Variants in UBN1 observed in about 807,000 individuals in gnomAD.
The protein encoded by UBN1 is ubinuclein-1.
UBN1 carries 17 observed loss-of-function variants against 108.5 expected under a neutral mutation model. The ratio of observed to expected loss-of-function variants is 0.16; its 90% confidence interval spans 0.11 to 0.24. The LOEUF is 0.24. Ranked by LOEUF, UBN1 falls within the 10% of genes least tolerant of loss-of-function variation. The probability of loss-of-function intolerance (pLI) is 1.00; values close to 1 mark genes in which losing one functional copy is unlikely to be tolerated. For missense variants in UBN1, 1,595 were observed against 1,394.4 expected, an observed-to-expected ratio of 1.14 and a Z score of -2.29; for synonymous variants, 726 against 564.2, an observed-to-expected ratio of 1.29 and a Z score of -4.07.
intron 5 of UBN1, 147 bp from the exon 6 acceptor site, chr16:4,859,718 C>G: frequency 1.5e-6 from 2 of 1,374,954 alleles, no homozygotes; most frequent in East Asian, 2.6e-5. Context: ...GGTTTGTGGT[C>G]CAGGGACTGA....
Position 4,852,888 on chromosome 16 carries a change from A to G in UBN1, c.-30A>G. The G allele has an allele frequency of 6.3e-7, 1 of 1,596,662 alleles. No individual in the cohort carries two copies. The highest frequency in any genetic ancestry group is 8.6e-7 in the Non-Finnish European group (1 of 1,169,046). On this transcript the variant is annotated 5_prime_UTR_variant, in exon 2 of 18. Coordinates refer to ENST00000262376, the MANE Select transcript of UBN1 (RefSeq NM_001079514.3). ...TTTTCAATGTTAACAGAAGCCATGC[A>G]GTGACACCCGCTAAGACTTGTTGGT...
chr16:4,863,616 C>T (rs143390439), intron 7 of UBN1, among the ~76,000 whole-genome samples: 423 of 151,174 alleles, frequency 2.8e-3, no homozygotes, highest in African/African-American at 0.01. Flanking sequence ...CCCTAATTTT[C>T]CCCCCCTTTT....
At chr16:4,879,611 G>C (rs1567968345) in intron 17 of UBN1, among the ~76,000 whole-genome samples, 1 of 152,236 alleles carries the variant, frequency 6.6e-6, no homozygotes, top group African/African-American at 2.4e-5. Context: ...AGCTATTTGC[G>C]CATTTCAGCT....
At position 4,874,933 on chromosome 16, in the gene UBN1, C is replaced by T. The variant is rs747695825; in HGVS notation, c.2523C>T (p.Leu841=). Residue 841 remains leucine (L), a synonymous_variant, in exon 15 of 18, where the codon CTC becomes CTT. Coordinates refer to ENST00000262376, the MANE Select transcript of UBN1 (RefSeq NM_001079514.3). The part of the protein sequence containing the change: ...KASPTQCHRS[L]LQLVKTAAKG... ...CTCCCACACAGTGTCATCGTTCCCT[C>T]CTGCAGTTAGTGAAGACAGCGGCCA... 4.3e-6 allele frequency: 7 copies of T among 1,614,104 alleles called. No homozygotes were observed. The Admixed American group carries it at 1.0e-4, about 23-fold the overall frequency.
At chr16:4,872,375 T>G in intron 12 of UBN1, 1 of 984,918 alleles carries the variant, frequency 1.0e-6, no homozygotes, top group South Asian at 4.7e-5. Context: ...AGACTCAGCC[T>G]TTGGGCAGCC....
At position 4,870,488 on chromosome 16, in the gene UBN1, G is replaced by A. The variant is rs369195947; in HGVS notation, c.1312-28G>A. On this transcript the variant is annotated intron_variant, in intron 9 of 17. Transcript: ENST00000262376. ...GAGCGTAAGAGCGATGTGTAAACCT[G>A]CCTTGAATTGTGTCCCGCTCTTCGC... 8.7e-6 allele frequency: 14 copies of A among 1,613,970 alleles called. No homozygotes were observed. The East Asian group carries it at 1.8e-4, about 21-fold the overall frequency.
At chr16:4,864,727 A>G (rs1269747290) in intron 7 of UBN1, among the ~76,000 whole-genome samples, 1 of 152,216 alleles carries the variant, frequency 6.6e-6, no homozygotes, top group Non-Finnish European at 1.5e-5. Flanking sequence ...TCTTTAGTCA[A>G]GCATAACATA....
chr16:4,869,876 C>T (rs546425934), intron 8 of UBN1, among the ~76,000 whole-genome samples: 1 of 152,234 alleles, frequency 6.6e-6, no homozygotes, highest in South Asian at 2.1e-4. Flanking sequence ...CTCCTTTGAA[C>T]CCCAAGTAAC....
intron 12 of UBN1, 37 bp from the exon 13 acceptor site, chr16:4,872,847 G>C (rs2087712231): frequency 6.2e-7 from 1 of 1,613,208 alleles, no homozygotes; most frequent in Non-Finnish European, 8.5e-7. Flanking sequence ...CAGCTTTCTG[G>C]GGCATGTACA....
intron 1 of UBN1, among the ~76,000 whole-genome samples, chr16:4,848,669 G>C (rs1208554929): frequency 6.6e-6 from 1 of 152,234 alleles, no homozygotes; most frequent in Non-Finnish European, 1.5e-5. Context: ...TTTACTGCGT[G>C]TGTATTTTTA....
chr16:4,880,335 C>T lies in UBN1; in HGVS notation c.*203C>T. The T allele has an allele frequency of 1.7e-6, 1 of 586,532 alleles. No homozygotes were observed. Among genetic ancestry groups the T allele is most frequent in the Non-Finnish European group, 3.1e-6 (1 of 327,606 alleles). The allele number at this position is 586,532 out of a possible 1,614,324, so 36.3% of individuals were successfully genotyped here. On this transcript the variant is annotated 3_prime_UTR_variant, in exon 18 of 18. Coordinates refer to ENST00000262376, the MANE Select transcript of UBN1 (RefSeq NM_001079514.3). ...CTTGCTGCTCAGGAGGTGCAGACTG[C>T]CCCGTGCTCTGGGCCTTGCAGCTCT... is the stretch of plus-strand genomic sequence containing the variant.
At position 4,880,019 on chromosome 16, in the gene UBN1, A is replaced by C. The variant is rs139115784; in HGVS notation, c.3356-64A>C. The stretch of plus-strand genomic sequence containing the variant: ...GTGTCTCCCTTGAAGTTTGGTTACT[A>C]CTGCCTTAAGGAAATCAGAGAGCAT... On this transcript the variant is annotated intron_variant, in intron 17 of 17. Transcript: ENST00000262376. 7.0e-4 allele frequency: 1,099 copies of C among 1,580,618 alleles called. 5 individuals are homozygous for C. The African/African-American group carries it at 0.013, about 18-fold the overall frequency.
intron 10 of UBN1, 79 bp downstream of exon 10, chr16:4,870,713 T>C: frequency 1.3e-6 from 2 of 1,587,820 alleles, no homozygotes; most frequent in Non-Finnish European, 1.7e-6. Context: ...TGTACTGCCG[T>C]TTCCCAAGGA....
chr16:4,868,911 T>TCGTC lies in UBN1; in HGVS notation c.1181+9_1181+12dup. The TCGTC allele has an allele frequency of 1.9e-6, 3 of 1,612,760 alleles. No homozygotes were observed. The highest frequency in any genetic ancestry group is 2.5e-6 in the Non-Finnish European group (3 of 1,178,972). On this transcript the variant is annotated intron_variant, in intron 8 of 17. Coordinates refer to ENST00000262376, the MANE Select transcript of UBN1 (RefSeq NM_001079514.3). ...TAATGGAATCCTATTAGAGTGAGTA[T>TCGTC]CGTCTGTCTGTCTGTCTGTCTGTCT...
At position 4,875,256 on chromosome 16, in the gene UBN1, C is replaced by T. The variant is rs1410236792; in HGVS notation, c.2846C>T (p.Pro949Leu). Residue 949 changes from proline (P) to leucine (L), a missense_variant, in exon 15 of 18, where the codon CCC becomes CTC. Pro to Leu is a moderately conservative substitution (Grantham distance 98, BLOSUM62 -3). Transcript: ENST00000262376. Reference sequence around the variant, plus strand: ...TCCGTGGGACAGGCCACCAGCCGACCCGTCCCAAGTTCAGCAGGGAAAAAA... The same window carrying T: ...TCCGTGGGACAGGCCACCAGCCGACTCGTCCCAAGTTCAGCAGGGAAAAAA... ...PPSVGQATSR[P>L]VPSSAGKKMP... 1 of 1,614,248 alleles carries T rather than the reference C, an allele frequency of 6.2e-7. No homozygotes were observed. Among genetic ancestry groups the T allele is most frequent in the Non-Finnish European group, 8.5e-7 (1 of 1,180,046 alleles).
Position 4,859,084 on chromosome 16 carries a change from G to A in UBN1, c.492G>A (p.Ser164=), listed in dbSNP as rs2086935489. 2 of 1,614,014 alleles carry A rather than the reference G, an allele frequency of 1.2e-6. No homozygotes were observed. The highest frequency in any genetic ancestry group is 1.7e-5 in the Admixed American group (1 of 60,002). ...TTKYGGFYIN[S]GTLQFRQASE... The stretch of plus-strand genomic sequence containing the variant: ...AGTATGGAGGATTTTACATTAACTC[G>A]GGAACCCTGCAGTTTAGACAAGCAT... Residue 164 remains serine, a synonymous_variant, in exon 5 of 18, where the codon TCG becomes TCA. Coordinates refer to ENST00000262376, the MANE Select transcript of UBN1 (RefSeq NM_001079514.3).
chr16:4,870,994 G>A, intron 11 of UBN1, 22 bp downstream of exon 11: 2 of 1,613,524 alleles, frequency 1.2e-6, no homozygotes, highest in Admixed American at 1.7e-5. Flanking sequence ...CTGGGACTTG[G>A]CCTCTTTGGA....
At chr16:4,870,093 C>G in intron 8 of UBN1, 119 bp from the exon 9 acceptor site, 13 of 1,460,004 alleles carry the variant, frequency 8.9e-6, no homozygotes, top group African/African-American at 1.4e-5. Flanking sequence ...CATTGTGTGA[C>G]CAACAAGACA....
rs1441980924 is a variant in UBN1, at chr16:4,870,986, G to A, written c.1559+14G>A. The A allele has an allele frequency of 1.9e-6, 3 of 1,613,922 alleles. No homozygotes were observed. The highest frequency in any genetic ancestry group is 2.5e-6 in the Non-Finnish European group (3 of 1,179,894). ...TGATGAGATCAGGTGTGCCCACACT[G>A]GGACTTGGCCTCTTTGGAGGGTTGG... On this transcript the variant is annotated intron_variant, in intron 11 of 17. Coordinates refer to ENST00000262376, the MANE Select transcript of UBN1 (RefSeq NM_001079514.3).
Sources: gnomAD v4.1 joint callset for allele counts (sites outside exome capture counted in the v4.1 genomes callset) on GRCh38, gnomAD v4.1.1 for gene constraint, MANE v1.5 for transcripts, NCBI Gene and HGNC (gene_info 2026-07-23, HGNC 2026-07-21) for gene names.